NIN: variants seen among roughly 807,000 people sequenced by gnomAD.
The protein encoded by NIN is glycogen synthase kinase 3 beta-interacting protein.
In NIN, 137 loss-of-function variants were observed where a neutral mutation model predicts 257.6. The ratio of observed to expected loss-of-function variants is 0.53; its 90% confidence interval spans 0.46 to 0.61. NIN has a LOEUF of 0.61. NIN is among the 20% of genes least tolerant of loss of function. The probability of loss-of-function intolerance (pLI) is 0.00; values close to 1 mark genes in which losing one functional copy is unlikely to be tolerated. For missense variants in NIN, 2,439 were observed against 2,501.2 expected (o/e 0.98, Z 0.53); for synonymous variants, 918 against 919.8 (o/e 1.00, Z 0.04).
At chr14:50,762,365 G>T (rs999510981) in intron 15 of NIN, among the ~76,000 whole-genome samples, 1 of 152,138 alleles carries the variant, frequency 6.6e-6, no homozygotes, top group Non-Finnish European at 1.5e-5. Flanking sequence ...ATGCCCTGAG[G>T]AGTTAGCTTC....
chr14:50,734,714 C>T, intron 28 of NIN, among the ~76,000 whole-genome samples: 1 of 152,128 alleles, frequency 6.6e-6, no homozygotes, highest in East Asian at 1.9e-4. Context: ...GGGTCTCTCA[C>T]TGTCTCCCAA....
At chr14:50,755,073 A>G (rs1025892433) in intron 18 of NIN, among the ~76,000 whole-genome samples, 2 of 152,252 alleles carry the variant, frequency 1.3e-5, no homozygotes, top group Non-Finnish European at 2.9e-5. Flanking sequence ...AAAAGATGTT[A>G]GAGAAGTGTA....
chr14:50,776,316 G>A (rs2042921881), intron 7 of NIN, among the ~76,000 whole-genome samples: 1 of 152,068 alleles, frequency 6.6e-6, no homozygotes, highest in Admixed American at 6.5e-5. Context: ...TCTTTTGGGG[G>A]CTCCTTCAAA....
chr14:50,792,567 G>T, intron 5 of NIN, 145 bp downstream of exon 5: 1 of 795,768 alleles, frequency 1.3e-6, no homozygotes, highest in South Asian at 1.8e-5. Flanking sequence ...TGTCCAAAAG[G>T]CAAGTAATAA....
At chr14:50,827,610 A>T (rs2045515918) in intron 2 of NIN, among the ~76,000 whole-genome samples, 1 of 129,162 alleles carries the variant, frequency 7.7e-6, no homozygotes, top group Non-Finnish European at 1.7e-5. Flanking sequence ...AAAAAAAAAT[A>T]GCTAGGTGTG....
In NIN at chr14:50,722,541, GAC is replaced by G. The variant is rs2040291964; in HGVS notation, c.*920_*921del. ...GAGAGGCCCTACAGTAGTTCAGGAA[GAC>G]AGTTTACAGTATTGTTCCCTGAGTT... On this transcript the variant is annotated 3_prime_UTR_variant, in exon 31 of 31. Coordinates refer to ENST00000530997, the MANE Select transcript of NIN (RefSeq NM_020921.4). 1 of 209,408 alleles carries G rather than the reference GAC, an allele frequency of 4.8e-6. No individual in the cohort carries two copies. Among genetic ancestry groups the G allele is most frequent in the Non-Finnish European group, 9.7e-6 (1 of 102,794 alleles). The allele number at this position is 209,408 out of a possible 1,614,324, so 13.0% of individuals were successfully genotyped here. A position where few individuals can be genotyped will look rare whatever the true frequency, so the allele number is the denominator to read the frequency against.
intron 27 of NIN, among the ~76,000 whole-genome samples, chr14:50,736,358 C>T (rs578118208): frequency 6.6e-6 from 1 of 151,794 alleles, no homozygotes; most frequent in Non-Finnish European, 1.5e-5. Flanking sequence ...AGACTGGTCT[C>T]GAACTCCTGA....
At chr14:50,764,620 G>A (rs1483597083) in intron 14 of NIN, among the ~76,000 whole-genome samples, 1 of 152,036 alleles carries the variant, frequency 6.6e-6, no homozygotes, top group South Asian at 2.1e-4. Context: ...GTATATCTAC[G>A]CAATGGAATA....
At chr14:50,725,788 G>A in intron 30 of NIN, 165 bp downstream of exon 30, 2 of 1,227,486 alleles carry the variant, frequency 1.6e-6, no homozygotes, top group Non-Finnish European at 2.3e-6. Context: ...TATTTTTTGG[G>A]GTGATATGAG....
At position 50,792,731 on chromosome 14, in the gene NIN, G is replaced by C; in HGVS notation, c.416C>G (p.Pro139Arg). 1 of 1,614,118 alleles carries C rather than the reference G, an allele frequency of 6.2e-7. No homozygotes were observed. The highest frequency in any genetic ancestry group is 8.5e-7 in the Non-Finnish European group (1 of 1,180,012). ...CCTTACCTCACTGCAGTCACCGGCT[G>C]GGATGTGTGAAGGCCGCGCTTCTTC... is the stretch of plus-strand genomic sequence containing the variant. ...LDEEARPSHI[P>R]AGDCSEHWKT... Residue 139 changes from proline to arginine, a missense_variant, in exon 5 of 31, where the codon CCA becomes CGA. Coordinates refer to ENST00000530997, the MANE Select transcript of NIN (RefSeq NM_020921.4).
rs139846203 is a variant in NIN, at chr14:50,759,289, C to G, written c.2399+568G>C. 3.3e-3 allele frequency among the ~76,000 whole-genome samples: 509 copies of G among 152,318 alleles called. 3 individuals are homozygous for G. The highest frequency in any genetic ancestry group is 0.012 in the African/African-American group (484 of 41,566). On this transcript the variant is annotated intron_variant, in intron 17 of 30. Transcript: ENST00000530997. ...ACTTTTGGGATAATCTTATCCTCCTCTTGAGCCTTATAAGGTAGAATAAAT... is the reference window on the plus strand; with the variant it reads ...ACTTTTGGGATAATCTTATCCTCCTGTTGAGCCTTATAAGGTAGAATAAAT...
chr14:50,831,222 C>A (rs1432799133), upstream of NIN: 1 of 151,442 alleles, frequency 6.6e-6, no homozygotes, highest in Admixed American at 6.6e-5. Context: ...TCCTCCTCTG[C>A]GGCCCGCGCG....
chr14:50,771,211 T>G, intron 10 of NIN, 121 bp downstream of exon 10: 1 of 1,265,434 alleles, frequency 7.9e-7, no homozygotes, highest in Non-Finnish European at 1.1e-6. Flanking sequence ...TGTGCAGCAG[T>G]TGGATAGAAG....
chr14:50,783,235 T>C (rs2043207861), intron 5 of NIN, among the ~76,000 whole-genome samples: 1 of 151,832 alleles, frequency 6.6e-6, no homozygotes, highest in Admixed American at 6.6e-5. Context: ...TTTTTTTTTT[T>C]TGTAGAGATG....
At chr14:50,778,097 A>G (rs2042989926) in intron 6 of NIN, among the ~76,000 whole-genome samples, 1 of 152,230 alleles carries the variant, frequency 6.6e-6, no homozygotes, top group South Asian at 2.1e-4. Context: ...TGGTGGCCAG[A>G]GGATCAACGT....
At chr14:50,801,996 G>A (rs1365555498) in intron 4 of NIN, among the ~76,000 whole-genome samples, 1 of 152,218 alleles carries the variant, frequency 6.6e-6, no homozygotes, top group Non-Finnish European at 1.5e-5. Context: ...TCTCTGGAGA[G>A]AGGATCCAGC....
chr14:50,807,594 C>A (rs1388392871), intron 3 of NIN, among the ~76,000 whole-genome samples: 1 of 152,170 alleles, frequency 6.6e-6, no homozygotes, highest in African/African-American at 2.4e-5. Flanking sequence ...AATGTGGCAC[C>A]TATTGACATA....
In NIN at chr14:50,721,396, TACA is replaced by T. The variant is rs1181667239; in HGVS notation, c.*2064_*2066del. ...TACTGTAAAAGACAAAAATTAAAAA[TACA>T]ACAACCGTGATCACATGCTAAGGCC... On this transcript the variant is annotated 3_prime_UTR_variant, in exon 31 of 31. Transcript: ENST00000530997. 1.4e-5 allele frequency: 3 copies of T among 214,024 alleles called. No individual in the cohort carries two copies. Among genetic ancestry groups the T allele is most frequent in the Non-Finnish European group, 2.8e-5 (3 of 106,048 alleles). The allele number at this position is 214,024 out of a possible 1,614,324, so 13.3% of individuals were successfully genotyped here. A position where few individuals can be genotyped will look rare whatever the true frequency, so the allele number is the denominator to read the frequency against.
chr14:50,723,263 A>C lies in NIN; in HGVS notation c.*200T>G. On this transcript the variant is annotated 3_prime_UTR_variant, in exon 31 of 31. Transcript: ENST00000530997. ...TTTAAAATAAATTCAAATCTTGGGA[A>C]TAATTTAAGTAGTGAAATATGTGAG... 2.4e-6 allele frequency: 1 copy of C among 425,380 alleles called. No homozygotes were observed. Among genetic ancestry groups the C allele is most frequent in the Non-Finnish European group, 4.1e-6 (1 of 242,248 alleles). 26.4% of individuals were successfully genotyped at this position (425,380 alleles called of 1,614,324 possible). A position where few individuals can be genotyped will look rare whatever the true frequency, so the allele number is the denominator to read the frequency against.
Sources: allele counts gnomAD v4.1 joint callset (sites outside exome capture counted in the v4.1 genomes callset), GRCh38; gene constraint gnomAD v4.1.1; transcripts MANE v1.5; gene names NCBI Gene and HGNC (gene_info 2026-07-23, HGNC 2026-07-21).